POLN: variants seen among roughly 807,000 people sequenced by gnomAD.
POLN encodes DNA polymerase N.
POLN carries 108 observed loss-of-function variants against 113.5 expected under a neutral mutation model. The ratio of observed to expected loss-of-function variants is 0.95; its 90% CI spans 0.81 to 1.12. The LOEUF (loss-of-function observed/expected upper bound fraction) is 1.12. Among genes scored for constraint, POLN ranks in the 50% most tolerant of loss-of-function variants. The pLI, the probability that POLN is intolerant of heterozygous loss-of-function variation, is 0.00. For synonymous variants in POLN, 386 were observed against 391.5 expected, an observed-to-expected ratio of 0.99 and a Z score of 0.17; for missense variants, 1,097 against 1,077.1, an observed-to-expected ratio of 1.02 and a Z score of -0.26.
At chr4:2,122,061 T>C (rs1410056294) in intron 19 of POLN, among the ~76,000 whole-genome samples, 1 of 152,172 alleles carries the variant, frequency 6.6e-6, no homozygotes, top group African/African-American at 2.4e-5. Flanking sequence ...CAGAGCAGCT[T>C]TGGGCCCACT....
intron 20 of POLN, chr4:2,090,520 A>G: frequency 2.0e-6 from 1 of 501,320 alleles, no homozygotes; most frequent in Admixed American, 3.3e-5. Flanking sequence ...TGTTGATAGC[A>G]AAATACAAGA....
chr4:2,188,787 T>C (rs1483572117), intron 7 of POLN, among the ~76,000 whole-genome samples: 2 of 152,210 alleles, frequency 1.3e-5, no homozygotes, highest in African/African-American at 4.8e-5. Context: ...AAGATAAATC[T>C]ATAAAAAACA....
intron 19 of POLN, among the ~76,000 whole-genome samples, chr4:2,121,205 C>A (rs979707702): frequency 6.6e-6 from 1 of 151,944 alleles, no homozygotes; most frequent in Non-Finnish European, 1.5e-5. Flanking sequence ...GAGGCGGAGG[C>A]AGGTGGATTG....
chr4:2,207,270 G>A (rs1378985131), intron 5 of POLN, among the ~76,000 whole-genome samples: 2 of 151,976 alleles, frequency 1.3e-5, no homozygotes, highest in African/African-American at 2.4e-5. Flanking sequence ...AAGGGGGTGA[G>A]GGATAAAATA....
intron 7 of POLN, among the ~76,000 whole-genome samples, chr4:2,188,735 A>G (rs1733350159): frequency 7.0e-6 from 1 of 143,148 alleles, no homozygotes; most frequent in Admixed American, 6.8e-5. Context: ...TAACACTGAA[A>G]TTGTGGTATG....
rs766937246 is a variant in POLN at position 2,240,032 on chromosome 4, G to A, written c.-13+1488C>T. On this transcript the variant is annotated intron_variant, in intron 2 of 25. Coordinates refer to ENST00000511885, the MANE Select transcript of POLN (RefSeq NM_181808.4). ...ATGTGAATCCAATCTCATTTCTTAT[G>A]CTTACCTTGCTGGTTAGGCTGTGAA... 5 of 1,605,064 alleles carry A rather than the reference G, an allele frequency of 3.1e-6. No individual in the cohort carries two copies. In the South Asian group the frequency reaches 5.5e-5, roughly 18 times the overall value.
intron 13 of POLN, among the ~76,000 whole-genome samples, chr4:2,161,506 G>C (rs1732588959): frequency 1.3e-5 from 2 of 152,376 alleles, no homozygotes; most frequent in Admixed American, 6.5e-5. Context: ...CCTTCCATCA[G>C]GGTAGGGCTC....
intron 20 of POLN, chr4:2,089,737 G>A: frequency 1.5e-6 from 1 of 685,244 alleles, no homozygotes; most frequent in South Asian, 1.9e-5. Context: ...ATTCAGTGTT[G>A]TGCTCTTTAT....
At chr4:2,220,803 C>CAGGAG (rs1194094037) in intron 3 of POLN, among the ~76,000 whole-genome samples, 14 of 152,206 alleles carry the variant, frequency 9.2e-5, no homozygotes, top group African/African-American at 3.4e-4. Flanking sequence ...ACTTAATGAC[C>CAGGAG]AGGAGAGGAG....
At chr4:2,075,574 A>G (rs908490888) in intron 23 of POLN, 55 bp from the exon 24 acceptor site, 2 of 1,589,738 alleles carry the variant, frequency 1.3e-6, no homozygotes, top group Admixed American at 3.3e-5. Context: ...GGCGTGGGCC[A>G]CCAGCCTGGC....
At chr4:2,187,676 C>G (rs1426942086) in intron 7 of POLN, among the ~76,000 whole-genome samples, 1 of 152,052 alleles carries the variant, frequency 6.6e-6, no homozygotes, top group African/African-American at 2.4e-5. Flanking sequence ...AATAAACAAG[C>G]CCCCAAAGGT....
intron 16 of POLN, among the ~76,000 whole-genome samples, chr4:2,137,420 C>T (rs758488889): frequency 6.6e-5 from 10 of 152,172 alleles, no homozygotes; most frequent in Non-Finnish European, 1.5e-4. Context: ...GGGCAGCTGG[C>T]ACAGAGCTCA....
chr4:2,191,822 G>C (rs1411301728), intron 7 of POLN, among the ~76,000 whole-genome samples: 1 of 152,068 alleles, frequency 6.6e-6, no homozygotes, highest in Non-Finnish European at 1.5e-5. Flanking sequence ...TGGAAGTATG[G>C]GGAGTTATAG....
intron 21 of POLN, among the ~76,000 whole-genome samples, chr4:2,083,772 C>T (rs762093996): frequency 3.9e-5 from 6 of 152,280 alleles, no homozygotes; most frequent in Non-Finnish European, 8.8e-5. Context: ...AAATGAGTTG[C>T]CAGCTCAACC....
intron 17 of POLN, among the ~76,000 whole-genome samples, chr4:2,130,957 A>G (rs1326582971): frequency 6.6e-6 from 1 of 152,208 alleles, no homozygotes; most frequent in African/African-American, 2.4e-5. Flanking sequence ...TGGGAGGATC[A>G]CTTGCGCCCA....
chr4:2,129,313 A>G, intron 17 of POLN, 57 bp from the exon 18 acceptor site: 1 of 1,040,432 alleles, frequency 9.6e-7, no homozygotes, highest in Non-Finnish European at 1.5e-6. Context: ...ATGCATAGCT[A>G]TTCCTCAATA....
chr4:2,146,629 G>C (rs1366436665), intron 16 of POLN, among the ~76,000 whole-genome samples: 1 of 152,158 alleles, frequency 6.6e-6, no homozygotes, highest in Non-Finnish European at 1.5e-5. Context: ...ACTGAGCTCT[G>C]GTGTGGGGAG....
At chr4:2,105,277 T>C (rs1731035887) in intron 19 of POLN, among the ~76,000 whole-genome samples, 1 of 152,130 alleles carries the variant, frequency 6.6e-6, no homozygotes, top group South Asian at 2.1e-4. Flanking sequence ...CTTTTTATCA[T>C]CTCTACCGAT....
intron 3 of POLN, among the ~76,000 whole-genome samples, chr4:2,216,914 T>C (rs1287822777): frequency 6.6e-6 from 1 of 152,212 alleles, no homozygotes; most frequent in East Asian, 1.9e-4. Context: ...GCACAGCATC[T>C]ACCCACCCCA....
Sources: allele counts gnomAD v4.1 joint callset (sites outside exome capture counted in the v4.1 genomes callset), GRCh38; gene constraint gnomAD v4.1.1; transcripts MANE v1.5; gene names NCBI Gene and HGNC (gene_info 2026-07-23, HGNC 2026-07-21).